Variants in FUT9 observed in about 807,000 individuals in gnomAD.
FUT9 encodes the protein 4-galactosyl-N-acetylglucosaminide 3-alpha-L-fucosyltransferase 9.
A neutral mutation model predicts 29.7 loss-of-function variants in FUT9; 15 were observed. The ratio of observed to expected loss-of-function variants is 0.51; its 90% confidence interval spans 0.34 to 0.78. The LOEUF (loss-of-function observed/expected upper bound fraction) is 0.78. FUT9 is among the 30% of genes least tolerant of loss of function. The pLI is 0.01. For synonymous variants in FUT9, 169 were observed against 153.7 expected (o/e 1.10, Z -0.74); for missense variants, 319 against 425.4 (o/e 0.75, Z 2.20).
intron 2 of FUT9, among the ~76,000 whole-genome samples, chr6:96,157,786 G>C (rs1377971638): frequency 6.6e-6 from 1 of 151,972 alleles, no homozygotes; most frequent in African/African-American, 2.4e-5. Context: ...TATTAATATA[G>C]AGCAACACTG....
intron 2 of FUT9, among the ~76,000 whole-genome samples, chr6:96,193,055 AGATG>A (rs1480012309): frequency 4.6e-5 from 7 of 151,278 alleles, no homozygotes; most frequent in Non-Finnish European, 8.8e-5. Context: ...AATTAATTCA[AGATG>A]GATTAAAGAC....
chr6:96,144,130 C>A (rs757310564), intron 2 of FUT9, among the ~76,000 whole-genome samples: 2 of 152,218 alleles, frequency 1.3e-5, no homozygotes, highest in Non-Finnish European at 2.9e-5. Flanking sequence ...TGCACACACT[C>A]ATATACGTAG....
intron 2 of FUT9, among the ~76,000 whole-genome samples, chr6:96,152,893 T>C (rs1486179571): frequency 6.6e-6 from 1 of 152,172 alleles, no homozygotes; most frequent in Non-Finnish European, 1.5e-5. Context: ...TAAAAAGCGT[T>C]TGCATTCCCA....
At position 96,208,210 on chromosome 6, in the gene FUT9, A is replaced by G. The variant is rs1001411784; in HGVS notation, c.*3975A>G. ...AAAAGAATAGGAAACTATGCCTCTG[A>G]TATTTTTTTTGTCAGCCTATTTTTA... is the stretch of plus-strand genomic sequence containing the variant. On this transcript the variant is annotated 3_prime_UTR_variant, in exon 3 of 3. Coordinates refer to ENST00000302103, the MANE Select transcript of FUT9 (RefSeq NM_006581.4). The G allele has an allele frequency of 1.1e-4, 4 of 37,414 alleles. No individual in the cohort carries two copies. Among genetic ancestry groups the G allele is most frequent in the African/African-American group, 2.0e-4 (4 of 20,456 alleles). 2.3% of individuals were successfully genotyped at this position (37,414 alleles called of 1,614,324 possible).
Position 96,163,043 on chromosome 6 carries a change from A to G in FUT9, c.-8-40105A>G, listed in dbSNP as rs141237964. ...CTCCCTCTCTCAGAGCCTGGAGAGG[A>G]TTTTGGCTCTTCATTGTGAGATTCA... On this transcript the variant is annotated intron_variant, in intron 2 of 2. Coordinates refer to ENST00000302103, the MANE Select transcript of FUT9 (RefSeq NM_006581.4). Among the ~76,000 whole-genome samples, 507 of 152,156 alleles carry G rather than the reference A, an allele frequency of 3.3e-3. 4 individuals carry two copies. The highest frequency in any genetic ancestry group is 0.012 in the African/African-American group (478 of 41,522).
At chr6:96,112,845 C>A (rs1411486689) in intron 1 of FUT9, among the ~76,000 whole-genome samples, 1 of 152,124 alleles carries the variant, frequency 6.6e-6, no homozygotes, top group Non-Finnish European at 1.5e-5. Context: ...TGAATCTGCC[C>A]TTTATAATAC....
At chr6:96,139,811 C>T (rs112438509) in intron 2 of FUT9, among the ~76,000 whole-genome samples, 6 of 152,212 alleles carry the variant, frequency 3.9e-5, no homozygotes, top group African/African-American at 1.2e-4. Flanking sequence ...ATGCAGGGGG[C>T]ACCATGTCCT....
In FUT9 at chr6:96,206,114, C is replaced by T. The variant is rs906031446; in HGVS notation, c.*1879C>T. On this transcript the variant is annotated 3_prime_UTR_variant, in exon 3 of 3. Transcript: ENST00000302103. The stretch of plus-strand genomic sequence containing the variant: ...GACTGTTTATATGCATGTGCTACTC[C>T]GAATGACGTTTGTATGGGTCAATGC... 2 of 166,900 alleles carry T rather than the reference C, an allele frequency of 1.2e-5. No individual in the cohort carries two copies. Among genetic ancestry groups the T allele is most frequent in the Admixed American group, 1.3e-4 (2 of 15,278 alleles). The allele number at this position is 166,900 out of a possible 1,614,324, so 10.3% of individuals were successfully genotyped here.
chr6:96,172,332 A>AATT (rs1457532833), intron 2 of FUT9, among the ~76,000 whole-genome samples: 1 of 152,160 alleles, frequency 6.6e-6, no homozygotes, highest in Admixed American at 6.5e-5. Context: ...TTGAATGAAA[A>AATT]ATTTCTTTTA....
chr6:96,192,059 A>T (rs962705653), intron 2 of FUT9, among the ~76,000 whole-genome samples: 1 of 152,162 alleles, frequency 6.6e-6, no homozygotes, highest in African/African-American at 2.4e-5. Context: ...ATCTCAAAAT[A>T]ATAAGAGCTA....
At chr6:96,053,619 G>T (rs1770711669) in intron 1 of FUT9, among the ~76,000 whole-genome samples, 1 of 152,154 alleles carries the variant, frequency 6.6e-6, no homozygotes, top group Non-Finnish European at 1.5e-5. Context: ...TGAGGCAGGA[G>T]AATGGTGTGA....
chr6:96,105,849 C>T (rs952602174), intron 1 of FUT9, among the ~76,000 whole-genome samples: 1 of 152,132 alleles, frequency 6.6e-6, no homozygotes, highest in African/African-American at 2.4e-5. Flanking sequence ...GGATCTTACC[C>T]GTACCTATTA....
chr6:96,127,826 C>G (rs957776511), intron 2 of FUT9, among the ~76,000 whole-genome samples: 1 of 152,066 alleles, frequency 6.6e-6, no homozygotes, highest in African/African-American at 2.4e-5. Flanking sequence ...TGTATGTCTT[C>G]TTTTGAAAAG....
chr6:96,061,121 G>T (rs1562112190), intron 1 of FUT9, among the ~76,000 whole-genome samples: 1 of 150,982 alleles, frequency 6.6e-6, no homozygotes, highest in African/African-American at 2.4e-5. Context: ...GAATAGGAGA[G>T]AACTTATAGT....
intron 1 of FUT9, among the ~76,000 whole-genome samples, chr6:96,036,137 G>T (rs1168690532): frequency 1.4e-5 from 2 of 145,820 alleles, no homozygotes; most frequent in Non-Finnish European, 3.0e-5. Flanking sequence ...ATCTGCAAAA[G>T]AATACTTTTG....
intron 2 of FUT9, among the ~76,000 whole-genome samples, chr6:96,188,262 G>T (rs1295090790): frequency 6.6e-6 from 1 of 152,038 alleles, no homozygotes; most frequent in Non-Finnish European, 1.5e-5. Flanking sequence ...TTGTGTGTGT[G>T]TGTATGTATA....
intron 1 of FUT9, among the ~76,000 whole-genome samples, chr6:96,099,759 TCTATAAGGAGACACTCATC>T (rs1197053623): frequency 6.6e-6 from 1 of 152,120 alleles, no homozygotes; most frequent in Non-Finnish European, 1.5e-5. Flanking sequence ...AAGCCAGATT[TCTATAAGGAGACACTCATC>T]GATAAAATAT....
intron 1 of FUT9, among the ~76,000 whole-genome samples, chr6:96,060,752 G>A (rs1048185159): frequency 6.6e-6 from 1 of 152,116 alleles, no homozygotes; most frequent in African/African-American, 2.4e-5. Flanking sequence ...TAGCCAGGCT[G>A]TTCTCAAACT....
chr6:96,069,320 CAAAAA>C (rs66913347), intron 1 of FUT9, among the ~76,000 whole-genome samples: 1 of 146,072 alleles, frequency 6.8e-6, no homozygotes. Flanking sequence ...GACTCCATCT[CAAAAA>C]AAAAAAAGTA....
Sources: allele counts gnomAD v4.1 joint callset (sites outside exome capture counted in the v4.1 genomes callset), GRCh38; gene constraint gnomAD v4.1.1; transcripts MANE v1.5; gene names NCBI Gene and HGNC (gene_info 2026-07-23, HGNC 2026-07-21).